The following ADGRE3 variants were observed in gnomAD, a reference collection of about 807,000 sequenced individuals.
ADGRE3 encodes the protein EGF-like module receptor 3.
A neutral mutation model predicts 80.1 loss-of-function variants in ADGRE3; 88 were observed. The observed-to-expected ratio is 1.10, with a 90% CI of 0.93 to 1.31. The LOEUF (loss-of-function observed/expected upper bound fraction) is 1.31. Among genes scored for constraint, ADGRE3 ranks in the 40% most tolerant of loss-of-function variants. ADGRE3 has a pLI of 0.00. For synonymous variants in ADGRE3, 281 were observed against 294.8 expected (o/e 0.95, Z 0.48); for missense variants, 715 against 776.5 (o/e 0.92, Z 0.94).
At chr19:14,601,938 G>A in the ADGRE3 span, among the ~76,000 whole-genome samples, 7 of 151,984 alleles carry the variant, frequency 4.6e-5, no homozygotes, top group East Asian at 5.8e-4. Context: ...GACTACAGGC[G>A]CCCGCCACCA....
intron 15 of ADGRE3, among the ~76,000 whole-genome samples, chr19:14,625,071 T>G (rs2146801152): frequency 6.6e-6 from 1 of 152,214 alleles, no homozygotes; most frequent in Admixed American, 6.5e-5. Flanking sequence ...CCTCCGCCTC[T>G]CAGGTTCAAG....
the ADGRE3 span, among the ~76,000 whole-genome samples, chr19:14,613,554 T>C: frequency 1.3e-5 from 2 of 152,200 alleles, no homozygotes; most frequent in Non-Finnish European, 2.9e-5. Context: ...GCAGAATCTT[T>C]CCTGTTTTGT....
rs1418540051 is a variant in ADGRE3, at chr19:14,665,938, A to G, written c.77-2398T>C. ...ATATTGCATATACACACATATGTGT[A>G]TATATATATATATATATATATATAT... On this transcript the variant is annotated intron_variant, in intron 2 of 15. Coordinates refer to ENST00000253673, the MANE Select transcript of ADGRE3 (RefSeq NM_032571.5). 2.0e-4 allele frequency among the ~76,000 whole-genome samples: 15 copies of G among 76,646 alleles called. 1 individual carries two copies. The highest frequency in any genetic ancestry group is 5.8e-3 in the Middle Eastern group (1 of 172). 50.3% of individuals were successfully genotyped at this position (76,646 alleles called of 152,430 possible).
chr19:14,615,648 G>C (rs1045184314), downstream of ADGRE3, among the ~76,000 whole-genome samples: 5 of 151,330 alleles, frequency 3.3e-5, no homozygotes, highest in African/African-American at 1.2e-4. Context: ...TGTAATCCCA[G>C]CTACTCAGGA....
rs997434813 is a variant in ADGRE3 at position 14,632,933 on chromosome 19, A to G, written c.1631T>C (p.Ile544Thr). The part of the protein sequence containing the change: ...LSSLNSEVST[I>T]QNTRMLAFKA... ...TGTCACATCCTACCTTGTGTTCTGG[A>G]TGGTTGACACTTCACTATTGAGGGA... The change falls in exon 13 of 16, where the codon ATC becomes ACC. Residue 544 changes from isoleucine (I) to threonine (T), a missense_variant. By Grantham distance (89) the Ile-to-Thr change is moderately conservative. Coordinates refer to ENST00000253673, the MANE Select transcript of ADGRE3 (RefSeq NM_032571.5). The G allele has an allele frequency of 6.2e-7, 1 of 1,609,944 alleles. No homozygotes were observed. Among genetic ancestry groups the G allele is most frequent in the African/African-American group, 1.3e-5 (1 of 74,824 alleles).
At chr19:14,636,081 C>CCTTTCTTTCTTTCTTTCTTTCTCTTT (rs1971052774) in intron 11 of ADGRE3, among the ~76,000 whole-genome samples, 2 of 24,676 alleles carry the variant, frequency 8.1e-5, no homozygotes, top group African/African-American at 2.7e-4. Flanking sequence ...CTTTCCTTTC[C>CCTTTCTTTCTTTCTTTCTTTCTCTTT]CTTTCTTTCT....
chr19:14,628,517 C>A, intron 14 of ADGRE3: 1 of 165,206 alleles, frequency 6.1e-6, no homozygotes, highest in Non-Finnish European at 1.3e-5. Context: ...GCCTGTGAAC[C>A]AAGTGGAGAT....
the ADGRE3 span, chr19:14,610,263 C>A: frequency 6.5e-7 from 1 of 1,533,330 alleles, no homozygotes. Context: ...CCTGCCCTTT[C>A]GTGGACGGCC....
At chr19:14,617,358 CT>C (rs1159463560), downstream of ADGRE3, among the ~76,000 whole-genome samples, 1 of 80,002 alleles carries the variant, frequency 1.2e-5, no homozygotes, top group African/African-American at 5.0e-5. Context: ...TTCTTTCTTT[CT>C]TTCTTTCTTT....
At chr19:14,673,114 A>G (rs1972300686) in intron 1 of ADGRE3, among the ~76,000 whole-genome samples, 1 of 152,200 alleles carries the variant, frequency 6.6e-6, no homozygotes, top group Admixed American at 6.5e-5. Context: ...TATATATAAG[A>G]TGCTATGCTA....
At chr19:14,668,506 A>G in intron 2 of ADGRE3, 1 of 470,398 alleles carries the variant, frequency 2.1e-6, no homozygotes, top group Non-Finnish European at 3.7e-6. Flanking sequence ...GTCTCTCCCC[A>G]CTAGAATGTC....
intron 7 of ADGRE3, among the ~76,000 whole-genome samples, chr19:14,650,249 C>T (rs538803516): frequency 6.7e-6 from 1 of 150,174 alleles, no homozygotes; most frequent in South Asian, 2.1e-4. Flanking sequence ...TCTCTCTTCC[C>T]TTCTCTCTCT....
At chr19:14,629,158 A>C (rs977169001) in intron 14 of ADGRE3, among the ~76,000 whole-genome samples, 1 of 152,152 alleles carries the variant, frequency 6.6e-6, no homozygotes, top group Non-Finnish European at 1.5e-5. Context: ...TCCTGAGCAC[A>C]AGTGATCCCC....
In ADGRE3 at chr19:14,619,477, A is replaced by C. The variant is rs1970473498; in HGVS notation, c.1921-6T>G. 6.3e-7 allele frequency: 1 copy of C among 1,591,500 alleles called. No homozygotes were observed. The highest frequency in any genetic ancestry group is 8.6e-7 in the Non-Finnish European group (1 of 1,160,336). On this transcript the variant is annotated splice_region_variant and splice_polypyrimidine_tract_variant and intron_variant, in intron 15 of 15. Coordinates refer to ENST00000253673, the MANE Select transcript of ADGRE3 (RefSeq NM_032571.5). ...TGTCCTGGAAAAACATCCCCCTATA[A>C]AAGAGGTTTAGATTAAAGGTGGATG...
chr19:14,607,123 G>A, the ADGRE3 span: 4 of 1,179,256 alleles, frequency 3.4e-6, no homozygotes, highest in Non-Finnish European at 4.3e-6. Flanking sequence ...GGGTTTCCTG[G>A]GGTCTCTCTG....
rs1970642568 is a variant in ADGRE3 at position 14,623,305 on chromosome 19, A to AAAAAAAT, written c.1920+2186_1920+2187insATTTTTT. On this transcript the variant is annotated intron_variant, in intron 15 of 15. Coordinates refer to ENST00000253673, the MANE Select transcript of ADGRE3 (RefSeq NM_032571.5). ...ATACTTAAAAAAAAAAAAATAAAAA[A>AAAAAAAT]AAAAAAAAATAAAACTCCTGGACTT... is the stretch of plus-strand genomic sequence containing the variant. Among the ~76,000 whole-genome samples the AAAAAAAT allele has an allele frequency of 1.8e-4, 5 of 27,332 alleles. 1 individual carries two copies. The highest frequency in any genetic ancestry group is 7.8e-4 in the African/African-American group (5 of 6,438). The allele number at this position is 27,332 out of a possible 152,430, so 17.9% of individuals were successfully genotyped here. A position where few individuals can be genotyped will look rare whatever the true frequency, so the allele number is the denominator to read the frequency against.
At chr19:14,608,066 TTTA>T in the ADGRE3 span, among the ~76,000 whole-genome samples, 403 of 152,098 alleles carry the variant, frequency 2.6e-3, 3 homozygotes, top group African/African-American at 9.2e-3. Flanking sequence ...GAGATGGGGT[TTTA>T]GTGTGTTGCC....
At position 14,644,311 on chromosome 19, in the gene ADGRE3, GTCTT is replaced by G. The variant is rs749789800; in HGVS notation, c.883-40_883-37del. The G allele has an allele frequency of 2.2e-4, 304 of 1,363,002 alleles. No individual in the cohort carries two copies. The African/African-American group carries it at 3.2e-3, about 14-fold the overall frequency. The allele number at this position is 1,363,002 out of a possible 1,614,324, so 84.4% of individuals were successfully genotyped here. A position where few individuals can be genotyped will look rare whatever the true frequency, so the allele number is the denominator to read the frequency against. The stretch of plus-strand genomic sequence containing the variant: ...AAAATAGAAAGGGCTCATTGTCTTT[GTCTT>G]TCTTTCTTTCTTTTTTTTTTTTGGA... On this transcript the variant is annotated intron_variant, in intron 8 of 15. Transcript: ENST00000253673.
At chr19:14,648,160 G>A (rs1459441880) in intron 7 of ADGRE3, among the ~76,000 whole-genome samples, 1 of 151,626 alleles carries the variant, frequency 6.6e-6, no homozygotes, top group Non-Finnish European at 1.5e-5. Flanking sequence ...TTCAAAGTCT[G>A]GTAACACTGA....
Sources: allele counts gnomAD v4.1 joint callset (sites outside exome capture counted in the v4.1 genomes callset), GRCh38; gene constraint gnomAD v4.1.1; transcripts MANE v1.5; gene names NCBI Gene and HGNC (gene_info 2026-07-23, HGNC 2026-07-21).